MUSK: variants seen among roughly 807,000 people sequenced by gnomAD.
MUSK encodes muscle, skeletal receptor tyrosine-protein kinase.
MUSK carries 55 observed loss-of-function variants against 88.7 expected under a neutral mutation model. That is an observed-to-expected ratio of 0.62 (90% confidence interval 0.50 to 0.78). The LOEUF is 0.78. Ranked by LOEUF, MUSK falls within the 30% of genes least tolerant of loss-of-function variation. MUSK has a pLI of 0.00. For missense variants in MUSK, 1,015 were observed against 1,074.3 expected, an observed-to-expected ratio of 0.94 and a Z score of 0.77; for synonymous variants, 387 against 391.9, an observed-to-expected ratio of 0.99 and a Z score of 0.15.
intron 2 of MUSK, among the ~76,000 whole-genome samples, chr9:110,684,222 A>G (rs1240598338): frequency 6.6e-6 from 1 of 152,076 alleles, no homozygotes; most frequent in Non-Finnish European, 1.5e-5. Context: ...TCCACACATC[A>G]TTTACTGAAG....
chr9:110,798,112 C>G (rs1213883650), intron 14 of MUSK, among the ~76,000 whole-genome samples: 1 of 152,114 alleles, frequency 6.6e-6, no homozygotes, highest in Non-Finnish European at 1.5e-5. Context: ...TATACATAAG[C>G]AGTAATCATT....
intron 5 of MUSK, among the ~76,000 whole-genome samples, chr9:110,701,923 T>TATTTC (rs1321358016): frequency 2.5e-4 from 35 of 140,296 alleles, no homozygotes; most frequent in South Asian, 2.2e-3. Context: ...TATTTTATTT[T>TATTTC]ATTTCATAGA....
intron 6 of MUSK, 139 bp from the exon 7 acceptor site, chr9:110,747,502 G>A: frequency 1.3e-6 from 1 of 797,416 alleles, no homozygotes; most frequent in Non-Finnish European, 2.0e-6. Flanking sequence ...TGGACACAGG[G>A]AGGGAAAATC....
rs143363692 is a variant in MUSK at position 110,788,055 on chromosome 9, C to G, written c.1927+217C>G. The G allele has an allele frequency of 7.6e-4, 409 of 541,414 alleles. 3 individuals carry two copies. The East Asian group carries it at 0.013, about 18-fold the overall frequency. The allele number at this position is 541,414 out of a possible 1,614,324, so 33.5% of individuals were successfully genotyped here. ...TTAAATTCATCACTTCAATTTGTCTCTGTCTTTGCTGCCTCCTATTTATAA... is the reference window on the plus strand; with the variant it reads ...TTAAATTCATCACTTCAATTTGTCTGTGTCTTTGCTGCCTCCTATTTATAA... On this transcript the variant is annotated intron_variant, in intron 14 of 14. Coordinates refer to ENST00000374448, the MANE Select transcript of MUSK (RefSeq NM_005592.4).
At chr9:110,710,736 A>G (rs2076657586) in intron 5 of MUSK, among the ~76,000 whole-genome samples, 1 of 152,142 alleles carries the variant, frequency 6.6e-6, no homozygotes, top group Admixed American at 6.6e-5. Context: ...CTGTTAAAAA[A>G]AAAAATAGTA....
intron 2 of MUSK, among the ~76,000 whole-genome samples, chr9:110,686,099 A>G (rs765697642): frequency 6.6e-6 from 1 of 152,278 alleles, no homozygotes; most frequent in Non-Finnish European, 1.5e-5. Context: ...AAGTGTTGGC[A>G]GGGCTGAGTT....
intron 11 of MUSK, among the ~76,000 whole-genome samples, chr9:110,777,126 A>C (rs1006621395): frequency 1.3e-5 from 2 of 152,116 alleles, no homozygotes; most frequent in Admixed American, 1.3e-4. Flanking sequence ...TAAAGTTTAT[A>C]GGATCAAATC....
intron 7 of MUSK, among the ~76,000 whole-genome samples, chr9:110,756,442 T>A (rs1161820618): frequency 2.0e-5 from 3 of 151,854 alleles, no homozygotes; most frequent in Non-Finnish European, 4.4e-5. Context: ...CACAGGAATG[T>A]CCCATGTCCC....
intron 3 of MUSK, among the ~76,000 whole-genome samples, chr9:110,689,138 A>G (rs1342104971): frequency 7.6e-6 from 1 of 131,984 alleles, no homozygotes; most frequent in Non-Finnish European, 1.5e-5. Flanking sequence ...CTACATAAAT[A>G]AACTATATAT....
At chr9:110,702,784 T>C (rs1280935275) in intron 5 of MUSK, among the ~76,000 whole-genome samples, 2 of 152,120 alleles carry the variant, frequency 1.3e-5, no homozygotes, top group South Asian at 2.1e-4. Context: ...TCTCAACTAT[T>C]TGGGAGCCTG....
chr9:110,741,856 T>A (rs1208425808), intron 6 of MUSK, among the ~76,000 whole-genome samples: 1 of 152,120 alleles, frequency 6.6e-6, no homozygotes, highest in Admixed American at 6.5e-5. Context: ...CCTCTTTAGT[T>A]AATGTGATTT....
chr9:110,753,419 AAT>A (rs2077271784), intron 7 of MUSK, among the ~76,000 whole-genome samples: 1 of 150,052 alleles, frequency 6.7e-6, no homozygotes, highest in African/African-American at 2.5e-5. Flanking sequence ...CAGCCTGAGC[AAT>A]AGAGTGAGAC....
intron 11 of MUSK, among the ~76,000 whole-genome samples, chr9:110,781,821 T>C (rs10114152): frequency 0.29 from 43,665 of 151,984 alleles, 9,332 homozygotes; most frequent in African/African-American, 0.61. Context: ...TAATTCCATT[T>C]ATCAGGACTC....
chr9:110,705,810 A>G (rs1229089990), intron 5 of MUSK, among the ~76,000 whole-genome samples: 2 of 152,186 alleles, frequency 1.3e-5, no homozygotes, highest in Non-Finnish European at 2.9e-5. Flanking sequence ...CTCTTCTGGA[A>G]AGGTTAAGCC....
intron 3 of MUSK, among the ~76,000 whole-genome samples, chr9:110,689,385 A>AC (rs2076254147): frequency 8.5e-6 from 1 of 117,550 alleles, no homozygotes; most frequent in Non-Finnish European, 1.6e-5. Context: ...TATGTAAAAA[A>AC]TATAAAAATA....
At chr9:110,739,957 A>G (rs976474956) in intron 6 of MUSK, among the ~76,000 whole-genome samples, 2 of 152,078 alleles carry the variant, frequency 1.3e-5, no homozygotes, top group South Asian at 2.1e-4. Context: ...TCATATTACA[A>G]TATATTAATG....
chr9:110,799,141 G>A (rs1012132284), intron 14 of MUSK, among the ~76,000 whole-genome samples: 5 of 152,046 alleles, frequency 3.3e-5, no homozygotes, highest in Non-Finnish European at 5.9e-5. Flanking sequence ...TTACAGAAAT[G>A]TGCTAATTGA....
intron 1 of MUSK, among the ~76,000 whole-genome samples, chr9:110,681,778 T>C (rs1426900083): frequency 1.3e-5 from 2 of 152,126 alleles, no homozygotes; most frequent in Admixed American, 6.6e-5. Flanking sequence ...GTATCTTTTA[T>C]GGCCAAACAA....
At chr9:110,798,601 A>G (rs1185086511) in intron 14 of MUSK, among the ~76,000 whole-genome samples, 3 of 152,152 alleles carry the variant, frequency 2.0e-5, no homozygotes, top group Non-Finnish European at 4.4e-5. Context: ...CCACCTATGC[A>G]TTAATTCATC....
Sources: gnomAD v4.1 joint callset for allele counts (sites outside exome capture counted in the v4.1 genomes callset) on GRCh38, gnomAD v4.1.1 for gene constraint, MANE v1.5 for transcripts, NCBI Gene and HGNC (gene_info 2026-07-23, HGNC 2026-07-21) for gene names.